PACRG: variants seen among roughly 807,000 people sequenced by gnomAD.
The protein encoded by PACRG is parkin coregulated.
In PACRG, 29 loss-of-function variants were observed where a neutral mutation model predicts 29.7. That is an observed-to-expected ratio of 0.98 (90% CI 0.73 to 1.33). The LOEUF (loss-of-function observed/expected upper bound fraction) is 1.33, where lower values mean the gene tolerates loss of function less well. PACRG is among the 40% of genes most tolerant of loss of function. The pLI, the probability that PACRG is intolerant of heterozygous loss-of-function variation, is 0.00. For synonymous variants in PACRG, 116 were observed against 118.7 expected (o/e 0.98, Z 0.15); for missense variants, 279 against 316.2 (o/e 0.88, Z 0.89).
intron 1 of PACRG, among the ~76,000 whole-genome samples, chr6:162,767,781 C>CT (rs1373803698): frequency 6.6e-6 from 1 of 151,624 alleles, no homozygotes; most frequent in Non-Finnish European, 1.5e-5. Flanking sequence ...TTTCCCCCTC[C>CT]TTTTTGAGGA....
chr6:163,312,746 T>G (rs557216924), intron 4 of PACRG: 5 of 432,634 alleles, frequency 1.2e-5, no homozygotes, highest in South Asian at 8.1e-5. Flanking sequence ...TCTGATATAT[T>G]CTTTTTGTTT....
chr6:163,262,295 A>G (rs540629826), intron 4 of PACRG, among the ~76,000 whole-genome samples: 2 of 152,322 alleles, frequency 1.3e-5, no homozygotes, highest in South Asian at 4.1e-4. Context: ...TAAAGTGCTA[A>G]AAGTACTTTC....
chr6:163,112,263 T>C (rs1371868855), intron 4 of PACRG, among the ~76,000 whole-genome samples: 1 of 152,218 alleles, frequency 6.6e-6, no homozygotes, highest in African/African-American at 2.4e-5. Flanking sequence ...ATTTCAGTCA[T>C]ATAAGCTGGT....
In PACRG at chr6:163,199,539, C is replaced by G. The variant is rs1314248533; in HGVS notation, c.613+110131C>G. Reference sequence around the variant, plus strand: ...GGCAAGGACCTAGGCCTTGATCACACAGGCAGGAAAGAGCTGATCCCAGAT... The same window carrying G: ...GGCAAGGACCTAGGCCTTGATCACAGAGGCAGGAAAGAGCTGATCCCAGAT... On this transcript the variant is annotated intron_variant, in intron 4 of 4. Transcript: ENST00000366888. 2.6e-5 allele frequency among the ~76,000 whole-genome samples: 4 copies of G among 152,206 alleles called. 1 individual carries two copies. The highest frequency in any genetic ancestry group is 7.2e-5 in the African/African-American group (3 of 41,472).
intron 2 of PACRG, among the ~76,000 whole-genome samples, chr6:162,916,257 A>G (rs1796689627): frequency 6.6e-6 from 1 of 152,098 alleles, no homozygotes; most frequent in Admixed American, 6.6e-5. Context: ...ATTTGTGATA[A>G]TTTGAATCAT....
chr6:162,977,689 G>A (rs929833721), intron 2 of PACRG, among the ~76,000 whole-genome samples: 3 of 151,952 alleles, frequency 2.0e-5, no homozygotes, highest in Admixed American at 6.6e-5. Flanking sequence ...CAGCACAATG[G>A]GGATACTCAG....
chr6:163,300,939 T>G (rs9458782), intron 4 of PACRG, among the ~76,000 whole-genome samples: 3,604 of 93,676 alleles, frequency 0.038, 6 homozygotes, highest in East Asian at 0.11. Flanking sequence ...ATCCACTGCT[T>G]CCCGTGAGTT....
intron 4 of PACRG, among the ~76,000 whole-genome samples, chr6:163,288,667 G>A (rs542889788): frequency 2.6e-5 from 4 of 152,208 alleles, no homozygotes; most frequent in South Asian, 4.2e-4. Context: ...ATGTGCTCTC[G>A]ATTATCTAAG....
chr6:163,066,782 A>C (rs1010448891), intron 3 of PACRG, among the ~76,000 whole-genome samples: 7 of 152,264 alleles, frequency 4.6e-5, no homozygotes, highest in Non-Finnish European at 1.0e-4. Flanking sequence ...TCTCTAAAAA[A>C]CAAAATAATA....
chr6:162,773,708 G>A (rs1389192792), intron 1 of PACRG, among the ~76,000 whole-genome samples: 1 of 151,444 alleles, frequency 6.6e-6, no homozygotes, highest in Non-Finnish European at 1.5e-5. Context: ...GTAGAGACGG[G>A]GTTTCACCTT....
At chr6:163,282,700 GA>G in intron 4 of PACRG, among the ~76,000 whole-genome samples, 1 of 139,438 alleles carries the variant, frequency 7.2e-6, no homozygotes, top group East Asian at 2.1e-4. Flanking sequence ...CAACAAGAGT[GA>G]AACTCCATCT....
intron 4 of PACRG, among the ~76,000 whole-genome samples, chr6:163,169,584 T>C (rs1778973843): frequency 6.6e-6 from 1 of 152,216 alleles, no homozygotes; most frequent in Non-Finnish European, 1.5e-5. Flanking sequence ...CGTGCTGTGC[T>C]CCTACGGCAG....
At chr6:163,043,818 C>T (rs1336517087) in intron 2 of PACRG, among the ~76,000 whole-genome samples, 1 of 152,112 alleles carries the variant, frequency 6.6e-6, no homozygotes, top group African/African-American at 2.4e-5. Flanking sequence ...AGAGCTTGTG[C>T]GGAGGCCAGG....
chr6:163,043,969 A>T (rs1412165664), intron 2 of PACRG, among the ~76,000 whole-genome samples: 1 of 152,138 alleles, frequency 6.6e-6, no homozygotes, highest in Non-Finnish European at 1.5e-5. Flanking sequence ...GATAAAGACC[A>T]TAGGTAGCAT....
intron 2 of PACRG, among the ~76,000 whole-genome samples, chr6:163,010,970 T>C (rs1805557055): frequency 6.6e-6 from 1 of 152,174 alleles, no homozygotes; most frequent in Admixed American, 6.5e-5. Context: ...CAGTGAGATG[T>C]GCGGCCCAGA....
At chr6:162,961,278 C>T (rs1800594605) in intron 2 of PACRG, among the ~76,000 whole-genome samples, 2 of 152,168 alleles carry the variant, frequency 1.3e-5, no homozygotes, top group African/African-American at 2.4e-5. Flanking sequence ...GTTAAGGAAG[C>T]TGTCTAGAGG....
intron 1 of PACRG, among the ~76,000 whole-genome samples, chr6:162,790,797 G>A (rs1012068118): frequency 1.3e-5 from 2 of 152,054 alleles, no homozygotes; most frequent in African/African-American, 2.4e-5. Context: ...CGTTGATCCC[G>A]CTATGTATCA....
chr6:162,826,445 GA>G (rs1788284310), intron 2 of PACRG, among the ~76,000 whole-genome samples: 1 of 151,188 alleles, frequency 6.6e-6, no homozygotes, highest in Admixed American at 6.6e-5. Flanking sequence ...CTGGAGTAAA[GA>G]TTTTTCTTTT....
At chr6:163,010,502 A>T (rs1477178131) in intron 2 of PACRG, among the ~76,000 whole-genome samples, 1 of 152,134 alleles carries the variant, frequency 6.6e-6, no homozygotes, top group Non-Finnish European at 1.5e-5. Flanking sequence ...TCCTTTATAG[A>T]CGGGCCCTGC....
Sources: gnomAD v4.1 joint callset for allele counts (sites outside exome capture counted in the v4.1 genomes callset) on GRCh38, gnomAD v4.1.1 for gene constraint, MANE v1.5 for transcripts, NCBI Gene and HGNC (gene_info 2026-07-23, HGNC 2026-07-21) for gene names.